Variants in PCDHGA3 observed in about 807,000 individuals in gnomAD.
PCDHGA3 encodes the protein protocadherin gamma-A3.
A neutral mutation model predicts 58.5 loss-of-function variants in PCDHGA3; 40 were observed. The observed-to-expected ratio is 0.68, with a 90% CI of 0.53 to 0.89. PCDHGA3 has a LOEUF of 0.89. Among genes scored for constraint, PCDHGA3 ranks in the 40% least tolerant of loss-of-function variants. The probability of loss-of-function intolerance (pLI) is 0.00; values close to 1 mark genes in which losing one functional copy is unlikely to be tolerated. For missense variants in PCDHGA3, 1,223 were observed against 1,195.9 expected (o/e 1.02, Z -0.33); for synonymous variants, 530 against 525.7 (o/e 1.01, Z -0.11).
At chr5:141,357,524 A>G (rs1760641249) in intron 1 of PCDHGA3, 1 of 1,614,218 alleles carries the variant, frequency 6.2e-7, no homozygotes, top group Non-Finnish European at 8.5e-7. Context: ...CAACCCAGCT[A>G]TGCAGACACG....
chr5:141,441,752 C>T, intron 1 of PCDHGA3: 2 of 378,086 alleles, frequency 5.3e-6, no homozygotes, highest in Non-Finnish European at 1.1e-5. Context: ...TCGGCGTCAA[C>T]GTGAGCCTGC....
intron 1 of PCDHGA3, among the ~76,000 whole-genome samples, chr5:141,347,802 G>T (rs1485611368): frequency 6.6e-6 from 1 of 150,846 alleles, no homozygotes; most frequent in Admixed American, 6.6e-5. Context: ...AAAAAAAAAA[G>T]TAGAGGCTGG....
chr5:141,427,504 C>A (rs755936092), intron 1 of PCDHGA3: 8 of 579,302 alleles, frequency 1.4e-5, no homozygotes, highest in Middle Eastern at 2.7e-4. Context: ...ACAGATGGGA[C>A]CCTGGATTGG....
intron 1 of PCDHGA3, among the ~76,000 whole-genome samples, chr5:141,462,218 C>T (rs2099034952): frequency 6.6e-6 from 1 of 152,180 alleles, no homozygotes; most frequent in African/African-American, 2.4e-5. Context: ...CCTCGGCCTC[C>T]CAAAGTGCAG....
chr5:141,374,507 A>T, intron 1 of PCDHGA3: 1 of 1,611,446 alleles, frequency 6.2e-7, no homozygotes. Flanking sequence ...GGAAGTGAAA[A>T]TTCTCGAAAA....
chr5:141,371,323 AAGAG>A, intron 1 of PCDHGA3: 4 of 1,614,012 alleles, frequency 2.5e-6, no homozygotes, highest in Non-Finnish European at 3.4e-6. Flanking sequence ...CTGGACTTTG[AAGAG>A]AGAGATAGCT....
At position 141,343,842 on chromosome 5, in the gene PCDHGA3, T is replaced by C; in HGVS notation, c.-192T>C. 1 of 514,310 alleles carries C rather than the reference T, an allele frequency of 1.9e-6. No individual in the cohort carries two copies. The highest frequency in any genetic ancestry group is 3.9e-5 in the South Asian group (1 of 25,528). The allele number at this position is 514,310 out of a possible 1,614,324, so 31.9% of individuals were successfully genotyped here. On this transcript the variant is annotated 5_prime_UTR_variant, in exon 1 of 4. Coordinates refer to ENST00000253812, the MANE Select transcript of PCDHGA3 (RefSeq NM_018916.4). ...GAGAACTAGTCCACCATTTCCTTGC[T>C]CCTAAAATGCAAAGAACCAGCAAAT...
At position 141,393,973 on chromosome 5, in the gene PCDHGA3, G is replaced by A. The variant is rs776954838; in HGVS notation, c.2424+47516G>A. ...AATGGTCAAGTTGTCTGTTACACAC[G>A]TGATAATTTACCTTTTAAATTAGAA... On this transcript the variant is annotated intron_variant, in intron 1 of 3. Transcript: ENST00000253812. 3.1e-6 allele frequency: 5 copies of A among 1,613,784 alleles called. No individual in the cohort carries two copies. The South Asian group carries it at 5.5e-5, about 18-fold the overall frequency.
At position 141,487,267 on chromosome 5, in the gene PCDHGA3, G is replaced by A; in HGVS notation, c.2425-7540G>A. 3 of 1,614,134 alleles carry A rather than the reference G, an allele frequency of 1.9e-6. No individual in the cohort carries two copies. The highest frequency in any genetic ancestry group is 2.5e-6 in the Non-Finnish European group (3 of 1,180,024). ...CCCTCTACTTGGCTGTGTCCCTAGT[G>A]GCAATTTGCTTTGTCTCCTTTGGCT... is the stretch of plus-strand genomic sequence containing the variant. On this transcript the variant is annotated intron_variant, in intron 1 of 3. Transcript: ENST00000253812. The surrounding 1 kb of genome is among the most constrained non-coding windows in gnomAD (Gnocchi z 5.0).
rs186469397 is a variant in PCDHGA3 at position 141,376,362 on chromosome 5, C to G, written c.2424+29905C>G. ...ACCTATTCCCACGAGGTCTCACTCA[C>G]TGCAGACTCGCGTAAGAGTCATCTG... On this transcript the variant is annotated intron_variant, in intron 1 of 3. Transcript: ENST00000253812. 5.1e-3 allele frequency: 8,179 copies of G among 1,614,250 alleles called. 35 individuals carry two copies. The highest frequency in any genetic ancestry group is 6.1e-3 in the Non-Finnish European group (7,170 of 1,180,044).
rs2099883943 is a variant in PCDHGA3, at chr5:141,511,766, G to A, written c.*593G>A. ...TGGAGGACATGATCACCATCCCCAT[G>A]GTACTGATGCTTGCTGGATTTAGGG... On this transcript the variant is annotated 3_prime_UTR_variant, in exon 4 of 4. Coordinates refer to ENST00000253812, the MANE Select transcript of PCDHGA3 (RefSeq NM_018916.4). 2 of 161,712 alleles carry A rather than the reference G, an allele frequency of 1.2e-5. No homozygotes were observed. Among genetic ancestry groups the A allele is most frequent in the Non-Finnish European group, 2.8e-5 (2 of 72,704 alleles). The allele number at this position is 161,712 out of a possible 1,614,324, so 10.0% of individuals were successfully genotyped here.
rs762866893 is a variant in PCDHGA3 at position 141,389,080 on chromosome 5, C to G, written c.2424+42623C>G. ...AAAATATTAACTTCTTCAAGAAACA[C>G]GTATAAATTAGTGACAGATGCTGTT... On this transcript the variant is annotated intron_variant, in intron 1 of 3. Transcript: ENST00000253812. 7 of 1,613,984 alleles carry G rather than the reference C, an allele frequency of 4.3e-6. No individual in the cohort carries two copies. The South Asian group carries it at 5.5e-5, about 13-fold the overall frequency.
At chr5:141,419,301 T>G in intron 1 of PCDHGA3, 6 of 1,613,998 alleles carry the variant, frequency 3.7e-6, no homozygotes, top group Non-Finnish European at 5.1e-6. Context: ...GACCCAGACT[T>G]CGGGCTCAAC....
At position 141,491,796 on chromosome 5, in the gene PCDHGA3, C is replaced by T. The variant is rs1487915203; in HGVS notation, c.2425-3011C>T. The stretch of plus-strand genomic sequence containing the variant: ...GATTGAACTTGCATCCACTCCTCTC[C>T]GGCCGGCTTGGTCGCTGGCTGCGCT... On this transcript the variant is annotated intron_variant, in intron 1 of 3. Transcript: ENST00000253812. The surrounding 1 kb of genome is among the most constrained non-coding windows in gnomAD (Gnocchi z 6.9). 6.6e-7 allele frequency: 1 copy of T among 1,509,866 alleles called. No homozygotes were observed. The highest frequency in any genetic ancestry group is 2.4e-5 in the Admixed American group (1 of 42,218). The allele number at this position is 1,509,866 out of a possible 1,614,324, so 93.5% of individuals were successfully genotyped here. A position where few individuals can be genotyped will look rare whatever the true frequency, so the allele number is the denominator to read the frequency against.
At chr5:141,399,851 C>T (rs971471583) in intron 1 of PCDHGA3, 3 of 1,612,950 alleles carry the variant, frequency 1.9e-6, no homozygotes, top group Non-Finnish European at 2.5e-6. Flanking sequence ...GATATGGTGC[C>T]GCGCGCTGCA....
chr5:141,404,880 T>C, intron 1 of PCDHGA3: 2 of 1,613,896 alleles, frequency 1.2e-6, no homozygotes, highest in Non-Finnish European at 8.5e-7. Flanking sequence ...CAGAGCCTTG[T>C]GGTGGCTGTA....
chr5:141,375,411 C>T lies in PCDHGA3; in HGVS notation c.2424+28954C>T, dbSNP rs73265852. Reference sequence around the variant, plus strand: ...GAAACAATCATCTCTCTAAATGTGGCAGACACCAACGACAACCCGCCCACC... The same window carrying T: ...GAAACAATCATCTCTCTAAATGTGGTAGACACCAACGACAACCCGCCCACC... On this transcript the variant is annotated intron_variant, in intron 1 of 3. Coordinates refer to ENST00000253812, the MANE Select transcript of PCDHGA3 (RefSeq NM_018916.4). 1.5e-3 allele frequency: 2,401 copies of T among 1,613,970 alleles called. 32 individuals are homozygous for T. In the African/African-American group the frequency reaches 0.028, roughly 19 times the overall value.
In PCDHGA3 at chr5:141,487,107, T is replaced by C. The variant is rs1193091014; in HGVS notation, c.2425-7700T>C. 6.2e-7 allele frequency: 1 copy of C among 1,613,926 alleles called. No individual in the cohort carries two copies. The highest frequency in any genetic ancestry group is 8.5e-7 in the Non-Finnish European group (1 of 1,179,782). On this transcript the variant is annotated intron_variant, in intron 1 of 3. Transcript: ENST00000253812. This position sits in a 1 kb window ranked among gnomAD's most constrained non-coding sequence, Gnocchi z 5.0. ...GACCTCCCACCACAGAAGCTGGTCA[T>C]TGTGGTAAAGGATAGTGGTAGTCCA...
At chr5:141,401,226 C>T (rs960294428) in intron 1 of PCDHGA3, among the ~76,000 whole-genome samples, 1 of 152,102 alleles carries the variant, frequency 6.6e-6, no homozygotes, top group African/African-American at 2.4e-5. Context: ...CCTGTAATCC[C>T]AGCTACTCAG....
Sources: allele counts gnomAD v4.1 joint callset (sites outside exome capture counted in the v4.1 genomes callset), GRCh38; gene constraint gnomAD v4.1.1; non-coding constraint Gnocchi (gnomAD v3.1); transcripts MANE v1.5; gene names NCBI Gene and HGNC (gene_info 2026-07-23, HGNC 2026-07-21).